Variants in MTR observed in about 807,000 individuals in gnomAD.
The protein encoded by MTR is methionine synthase.
A neutral mutation model predicts 154.8 loss-of-function variants in MTR; 84 were observed. That is an observed-to-expected ratio of 0.54 (90% CI 0.45 to 0.65). The LOEUF (loss-of-function observed/expected upper bound fraction) is 0.65. Ranked by LOEUF, MTR falls within the 30% of genes least tolerant of loss-of-function variation. The pLI is 0.00. For missense variants in MTR, 1,275 were observed against 1,570.2 expected, an observed-to-expected ratio of 0.81 and a Z score of 3.18; for synonymous variants, 554 against 553.9, an observed-to-expected ratio of 1.00 and a Z score of 0.00.
chr1:236,840,023 G>T (rs1435097833), intron 15 of MTR, among the ~76,000 whole-genome samples: 1 of 152,234 alleles, frequency 6.6e-6, no homozygotes, highest in Non-Finnish European at 1.5e-5. Flanking sequence ...GGGATGATCT[G>T]AGATGGGGGT....
chr1:236,867,704 T>G (rs574028261), intron 22 of MTR, among the ~76,000 whole-genome samples: 1 of 152,272 alleles, frequency 6.6e-6, no homozygotes, highest in South Asian at 2.1e-4. Context: ...TAACAGGAGC[T>G]TGGAAGAAGT....
chr1:236,852,721 C>T, intron 17 of MTR, 84 bp downstream of exon 17: 2 of 1,278,832 alleles, frequency 1.6e-6, no homozygotes, highest in Non-Finnish European at 2.3e-6. Context: ...CAGGCTAAGT[C>T]CGGCCTGCTG....
At chr1:236,847,186 C>T (rs1385387754) in intron 15 of MTR, among the ~76,000 whole-genome samples, 1 of 152,148 alleles carries the variant, frequency 6.6e-6, no homozygotes, top group Non-Finnish European at 1.5e-5. Flanking sequence ...TGTACTGGGC[C>T]GGGCCACTTC....
At chr1:236,799,873 A>G (rs1240335361) in intron 1 of MTR, among the ~76,000 whole-genome samples, 3 of 152,012 alleles carry the variant, frequency 2.0e-5, no homozygotes, top group Non-Finnish European at 2.9e-5. Flanking sequence ...GTTCTTCCCA[A>G]TAAATTATAC....
At chr1:236,897,242 T>C in intron 32 of MTR, 124 bp downstream of exon 32, 1 of 822,658 alleles carries the variant, frequency 1.2e-6, no homozygotes, top group Non-Finnish European at 2.1e-6. Flanking sequence ...CTCCAGTTAA[T>C]GTCTTAATTT....
At chr1:236,802,270 T>G (rs1333330264) in intron 1 of MTR, among the ~76,000 whole-genome samples, 1 of 152,152 alleles carries the variant, frequency 6.6e-6, no homozygotes, top group African/African-American at 2.4e-5. Flanking sequence ...TTTTGAATAT[T>G]AGATTGAGGG....
At position 236,891,287 on chromosome 1, in the gene MTR, G is replaced by A; in HGVS notation, c.3162G>A (p.Gln1054=). 1.2e-6 allele frequency: 2 copies of A among 1,614,178 alleles called. No individual in the cohort carries two copies. Among genetic ancestry groups the A allele is most frequent in the Non-Finnish European group, 1.7e-6 (2 of 1,180,032 alleles). The stretch of plus-strand genomic sequence containing the variant: ...TGTACGCAGAGGCTGCTGTGCCCCA[G>A]GCTGCAGAGCCCATAGCCACCTTCT... ...IHLYAEAAVP[Q]AAEPIATFYG... is the part of the protein sequence containing the mutation. The change falls in exon 29 of 33, where the codon CAG becomes CAA. Residue 1054 remains glutamine, a synonymous_variant. Transcript: ENST00000366577.
At chr1:236,843,537 A>G (rs1057430200) in intron 15 of MTR, among the ~76,000 whole-genome samples, 1 of 152,214 alleles carries the variant, frequency 6.6e-6, no homozygotes, top group African/African-American at 2.4e-5. Context: ...GATCTGACTT[A>G]TGTTTAAACC....
intron 32 of MTR, among the ~76,000 whole-genome samples, 192 bp downstream of exon 32, chr1:236,897,310 G>GCACGCACA (rs1373475510): frequency 2.3e-5 from 3 of 128,614 alleles, no homozygotes; most frequent in South Asian, 2.7e-4. Flanking sequence ...CCACACACAC[G>GCACGCACA]CACACACACA....
intron 27 of MTR, among the ~76,000 whole-genome samples, chr1:236,888,915 AG>A (rs1266617288): frequency 6.6e-6 from 1 of 152,098 alleles, no homozygotes; most frequent in East Asian, 1.9e-4. Context: ...CTTCTTGGGC[AG>A]GGGGTGGGGA....
intron 26 of MTR, 89 bp downstream of exon 26, chr1:236,885,308 G>C (rs1665955123): frequency 5.8e-6 from 5 of 864,112 alleles, no homozygotes. Flanking sequence ...AAATGGTTTT[G>C]AGGAGTGTAA....
chr1:236,816,610 G>A, intron 8 of MTR, 67 bp downstream of exon 8: 1 of 1,309,224 alleles, frequency 7.6e-7, no homozygotes, highest in Non-Finnish European at 1.1e-6. Flanking sequence ...GCTGTGGAGT[G>A]TGACCTGGGA....
chr1:236,795,584 G>T lies in MTR; in HGVS notation c.-120G>T, dbSNP rs562564269. ...CGCGAGCCAACGGGAGGCGTCAAAA[G>T]ACCCGGGCCTTGTGTGGCAGGCTCG... is the stretch of plus-strand genomic sequence containing the variant. On this transcript the variant is annotated 5_prime_UTR_variant, in exon 1 of 33. Transcript: ENST00000366577. 314 of 1,586,762 alleles carry T rather than the reference G, an allele frequency of 2.0e-4. 1 individual carries two copies. The African/African-American group carries it at 3.1e-3, about 16-fold the overall frequency.
At chr1:236,845,767 A>G (rs1473530748) in intron 15 of MTR, among the ~76,000 whole-genome samples, 1 of 152,234 alleles carries the variant, frequency 6.6e-6, no homozygotes, top group Non-Finnish European at 1.5e-5. Context: ...GAAAATTATA[A>G]AAAGCAAAGC....
intron 22 of MTR, among the ~76,000 whole-genome samples, chr1:236,870,381 G>A (rs1270505590): frequency 6.6e-6 from 1 of 152,222 alleles, no homozygotes; most frequent in Non-Finnish European, 1.5e-5. Flanking sequence ...ACACAGAAAT[G>A]TTCTGGGGCT....
chr1:236,811,264 C>T lies in MTR; in HGVS notation c.502+669C>T, dbSNP rs1661286594. 2.6e-5 allele frequency among the ~76,000 whole-genome samples: 4 copies of T among 152,302 alleles called. No individual in the cohort carries two copies. The South Asian group carries it at 8.3e-4, about 32-fold the overall frequency. Reference sequence around the variant, plus strand: ...CCTGCCCCCATGATTCAATTACCCTCACCAGGTCCCCTCTCACAACACGCG... The same window carrying T: ...CCTGCCCCCATGATTCAATTACCCTTACCAGGTCCCCTCTCACAACACGCG... On this transcript the variant is annotated intron_variant, in intron 5 of 32. Coordinates refer to ENST00000366577, the MANE Select transcript of MTR (RefSeq NM_000254.3).
chr1:236,860,162 A>G (rs1164682151), intron 19 of MTR, among the ~76,000 whole-genome samples: 1 of 139,014 alleles, frequency 7.2e-6, no homozygotes, highest in African/African-American at 2.7e-5. Context: ...TATTACTGGC[A>G]TCCTATGGCC....
intron 29 of MTR, 71 bp from the exon 30 acceptor site, chr1:236,894,286 C>G: frequency 6.8e-7 from 1 of 1,467,168 alleles, no homozygotes; most frequent in Non-Finnish European, 9.5e-7. Context: ...CCCGATTGCT[C>G]TTCATGGTGT....
At chr1:236,827,933 G>T (rs1662386996) in intron 11 of MTR, among the ~76,000 whole-genome samples, 1 of 152,048 alleles carries the variant, frequency 6.6e-6, no homozygotes, top group Non-Finnish European at 1.5e-5. Context: ...TTACCTTGTA[G>T]TTCACTGCTT....
Sources: gnomAD v4.1 joint callset for allele counts (sites outside exome capture counted in the v4.1 genomes callset) on GRCh38, gnomAD v4.1.1 for gene constraint, MANE v1.5 for transcripts, NCBI Gene and HGNC (gene_info 2026-07-23, HGNC 2026-07-21) for gene names.